The following ETAA1 variants were observed in gnomAD, a reference collection of about 807,000 sequenced individuals.
ETAA1 encodes ETAA1 activator of ATR kinase.
Under a neutral mutation model 76.8 loss-of-function variants are expected in ETAA1, and 49 were observed. The observed-to-expected ratio is 0.64, with a 90% CI of 0.51 to 0.81. The LOEUF is 0.81. Ranked by LOEUF, ETAA1 falls within the 30% of genes least tolerant of loss-of-function variation. The pLI is 0.00. For synonymous variants in ETAA1, 373 were observed against 372.2 expected (o/e 1.00, Z -0.03); for missense variants, 1,099 against 1,074.0 (o/e 1.02, Z -0.32).
chr2:67,402,847 C>A lies in ETAA1; in HGVS notation c.430-15C>A. On this transcript the variant is annotated splice_polypyrimidine_tract_variant and intron_variant, in intron 3 of 5. Coordinates refer to ENST00000272342, the MANE Select transcript of ETAA1 (RefSeq NM_019002.4). ...ACTGGTACTTTATACCTCTTTTTTTCCCTATCTGCCAAAGGATGAAAAACC... is the reference window on the plus strand; with the variant it reads ...ACTGGTACTTTATACCTCTTTTTTTACCTATCTGCCAAAGGATGAAAAACC... 1 of 1,552,654 alleles carries A rather than the reference C, an allele frequency of 6.4e-7. No homozygotes were observed. The highest frequency in any genetic ancestry group is 1.4e-5 in the African/African-American group (1 of 71,082).
Position 67,405,594 on chromosome 2 carries a change from A to G in ETAA1, c.2653+259A>G, listed in dbSNP as rs148060201. Among the ~76,000 whole-genome samples, 91 of 152,110 alleles carry G rather than the reference A, an allele frequency of 6.0e-4. No homozygotes were observed. The East Asian group carries it at 0.018, about 29-fold the overall frequency. On this transcript the variant is annotated intron_variant, in intron 5 of 5. Transcript: ENST00000272342. The stretch of plus-strand genomic sequence containing the variant: ...ATACAATGACTGGCATATAGTAGGT[A>G]CTCAGTAAATATTTTTTGAATAACT...
At position 67,397,650 on chromosome 2, in the gene ETAA1, T is replaced by C. The variant is rs1212726783; in HGVS notation, c.202T>C (p.Cys68Arg). The C allele has an allele frequency of 2.6e-6, 4 of 1,547,008 alleles. No individual in the cohort carries two copies. The highest frequency in any genetic ancestry group is 2.6e-6 in the Non-Finnish European group (3 of 1,146,726). ...AGAGCAGCCTCCGACCGCCGCCCTGTGCAGTAAAAGTAACCCCGAGGGTGA... is the reference window on the plus strand; with the variant it reads ...AGAGCAGCCTCCGACCGCCGCCCTGCGCAGTAAAAGTAACCCCGAGGGTGA... ...QREQPPTAAL[C>R]SKSNPEERYE... The change falls in exon 1 of 6, where the codon TGC becomes CGC. Residue 68 changes from cysteine (C) to arginine (R), a missense_variant. Cys to Arg is a radical substitution (Grantham distance 180). Transcript: ENST00000272342.
chr2:67,410,002 C>A lies in ETAA1; in HGVS notation c.2745C>A (p.Ala915=), dbSNP rs141914721. 9 of 1,608,696 alleles carry A rather than the reference C, an allele frequency of 5.6e-6. No individual in the cohort carries two copies. In the African/African-American group the frequency reaches 9.4e-5, roughly 17 times the overall value. ...TTCGGAGAATGGCTAAAGCACGAGC[C>A]TCATCTGTAAATGCAGCTCCCACTT... ...ALVRRMAKAR[A]SSVNAAPTSF... Residue 915 remains alanine (A), a synonymous_variant, in exon 6 of 6, where the codon GCC becomes GCA. Transcript: ENST00000272342.
intron 1 of ETAA1, 24 bp from the exon 2 acceptor site, chr2:67,399,145 T>C (rs1169779130): frequency 6.3e-7 from 1 of 1,597,798 alleles, no homozygotes; most frequent in Admixed American, 1.8e-5. Context: ...GCAACAATTG[T>C]TATTTTACTC....
chr2:67,404,837 G>A lies in ETAA1; in HGVS notation c.2155G>A (p.Glu719Lys), dbSNP rs773523823. 15 of 1,613,108 alleles carry A rather than the reference G, an allele frequency of 9.3e-6. No individual in the cohort carries two copies. The highest frequency in any genetic ancestry group is 1.3e-5 in the African/African-American group (1 of 74,894). Residue 719 changes from glutamate (E) to lysine (K), a missense_variant, in exon 5 of 6, where the codon GAG becomes AAG. By Grantham distance (56) the Glu-to-Lys change is moderately conservative. Coordinates refer to ENST00000272342, the MANE Select transcript of ETAA1 (RefSeq NM_019002.4). ...SSQIDKPMKM[E>K]KGEMYGNSPR... ...ACAAATAGATAAGCCAATGAAGATG[G>A]AGAAAGGGGAAATGTATGGAAATTC...
intron 5 of ETAA1, among the ~76,000 whole-genome samples, chr2:67,409,248 T>C (rs1676300921): frequency 6.6e-6 from 1 of 151,990 alleles, no homozygotes; most frequent in African/African-American, 2.4e-5. Flanking sequence ...AGAAAGTGAT[T>C]TCTAATACAA....
At position 67,403,445 on chromosome 2, in the gene ETAA1, A is replaced by G. The variant is rs370708782; in HGVS notation, c.763A>G (p.Ile255Val). The G allele has an allele frequency of 5.0e-6, 8 of 1,612,936 alleles. No homozygotes were observed. The highest frequency in any genetic ancestry group is 4.5e-5 in the East Asian group (2 of 44,870). The stretch of plus-strand genomic sequence containing the variant: ...AATAGATAATGCTACAAAAAAGCCA[A>G]TCAAAGGAAACACCAAGATATCTGT... ...PEIDNATKKP[I>V]KGNTKISVAN... Residue 255 changes from isoleucine to valine, a missense_variant, in exon 5 of 6, where the codon ATC becomes GTC. Physicochemically the swap from Ile to Val is conservative, Grantham distance 29. Around this residue, in one of 3 missense-constraint regions of ETAA1, gnomAD observed 761 missense variants for 731.9 expected, o/e 1.04. Transcript: ENST00000272342.
At position 67,397,413 on chromosome 2, in the gene ETAA1, AAAG is replaced by A. The variant is rs1291416399; in HGVS notation, c.-29_-27del. On this transcript the variant is annotated 5_prime_UTR_variant, in exon 1 of 6. Transcript: ENST00000272342. Reference sequence around the variant, plus strand: ...CCTACTCATCCCTTTGCAAAATGTGAAAGAAGAAGCGGCTGGTGGAGGCGGGCC... The same window carrying A: ...CCTACTCATCCCTTTGCAAAATGTGAAAGAAGCGGCTGGTGGAGGCGGGCC... 10 of 1,558,414 alleles carry A rather than the reference AAAG, an allele frequency of 6.4e-6. No individual in the cohort carries two copies. The highest frequency in any genetic ancestry group is 2.4e-5 in the East Asian group (1 of 42,060).
intron 1 of ETAA1, among the ~76,000 whole-genome samples, chr2:67,398,929 C>T (rs1675975950): frequency 6.6e-6 from 1 of 152,146 alleles, no homozygotes; most frequent in African/African-American, 2.4e-5. Flanking sequence ...TTGTATTATG[C>T]ATTCATAAAG....
At position 67,411,747 on chromosome 2, in the gene ETAA1, C is replaced by A. The variant is rs1280373910; in HGVS notation, c.*1709C>A. ...CAGTGGAGTACTGGAGTTTAGCTAA[C>A]CTATATTATTTTTCCAGGAATATAT... is the stretch of plus-strand genomic sequence containing the variant. On this transcript the variant is annotated 3_prime_UTR_variant, in exon 6 of 6. Coordinates refer to ENST00000272342, the MANE Select transcript of ETAA1 (RefSeq NM_019002.4). 1.3e-5 allele frequency: 2 copies of A among 151,960 alleles called. No homozygotes were observed. The highest frequency in any genetic ancestry group is 2.9e-5 in the Non-Finnish European group (2 of 67,950). The allele number at this position is 151,960 out of a possible 1,614,324, so 9.4% of individuals were successfully genotyped here. A position where few individuals can be genotyped will look rare whatever the true frequency, so the allele number is the denominator to read the frequency against.
chr2:67,397,361 G>T lies in ETAA1; in HGVS notation c.-88G>T. The T allele has an allele frequency of 7.3e-7, 1 of 1,371,548 alleles. No individual in the cohort carries two copies. The highest frequency in any genetic ancestry group is 1.0e-6 in the Non-Finnish European group (1 of 985,678). The allele number at this position is 1,371,548 out of a possible 1,614,324, so 85.0% of individuals were successfully genotyped here. ...GACCAAAATGGCGGCTGCCGTTGGT[G>T]CGGGGTGCGGTTTGTAGTGCTGTTG... On this transcript the variant is annotated 5_prime_UTR_variant, in exon 1 of 6. Coordinates refer to ENST00000272342, the MANE Select transcript of ETAA1 (RefSeq NM_019002.4).
chr2:67,399,338 A>G, intron 2 of ETAA1, 41 bp downstream of exon 2: 1 of 1,536,492 alleles, frequency 6.5e-7, no homozygotes, highest in Non-Finnish European at 8.9e-7. Context: ...TAAATATTTG[A>G]TAAATGATTC....
At position 67,404,399 on chromosome 2, in the gene ETAA1, G is replaced by A. The variant is rs779883240; in HGVS notation, c.1717G>A (p.Val573Ile). 1 of 1,613,182 alleles carries A rather than the reference G, an allele frequency of 6.2e-7. No homozygotes were observed. The highest frequency in any genetic ancestry group is 8.5e-7 in the Non-Finnish European group (1 of 1,179,486). ...SNPNQTSASK[V>I]GSFFDDWNDP... ...CCCAAATCAGACTAGTGCATCAAAA[G>A]TAGGTTCTTTCTTTGATGATTGGAA... is the stretch of plus-strand genomic sequence containing the variant. Residue 573 changes from valine (V) to isoleucine (I), a missense_variant, in exon 5 of 6, where the codon GTA (valine) becomes ATA (isoleucine). Around this residue, in one of 3 missense-constraint regions of ETAA1, gnomAD observed 761 missense variants for 731.9 expected, o/e 1.04. Coordinates refer to ENST00000272342, the MANE Select transcript of ETAA1 (RefSeq NM_019002.4).
Position 67,404,448 on chromosome 2 carries a change from T to C in ETAA1, c.1766T>C (p.Ile589Thr). ...DWNDPSFANE[I>T]IKACHQLDNT... ...AATGATCCCTCATTTGCCAATGAAA[T>C]TATTAAAGCATGTCATCAATTAGAT... Residue 589 changes from isoleucine (I) to threonine (T), a missense_variant, in exon 5 of 6, where the codon ATT becomes ACT. Ile to Thr is a moderately conservative substitution (Grantham distance 89). This residue lies in a region of ETAA1 where 761 missense variants were observed against 731.9 expected (regional missense o/e 1.04). Coordinates refer to ENST00000272342, the MANE Select transcript of ETAA1 (RefSeq NM_019002.4). 1 of 1,613,338 alleles carries C rather than the reference T, an allele frequency of 6.2e-7. No homozygotes were observed. Among genetic ancestry groups the C allele is most frequent in the Non-Finnish European group, 8.5e-7 (1 of 1,179,520 alleles).
At chr2:67,408,630 G>T (rs761562822) in intron 5 of ETAA1, among the ~76,000 whole-genome samples, 33 of 152,210 alleles carry the variant, frequency 2.2e-4, no homozygotes, top group Non-Finnish European at 3.8e-4. Context: ...ACTTCATTGT[G>T]TATTTTTATT....
chr2:67,403,731 C>T lies in ETAA1; in HGVS notation c.1049C>T (p.Pro350Leu). 1 of 1,613,326 alleles carries T rather than the reference C, an allele frequency of 6.2e-7. No individual in the cohort carries two copies. Among genetic ancestry groups the T allele is most frequent in the South Asian group, 1.1e-5 (1 of 91,056 alleles). ...PRSLSSQVDTPIMTKSCVTSC... is the reference protein window; with the variant it reads ...PRSLSSQVDTLIMTKSCVTSC... ...TCACTTTCTTCTCAAGTAGATACAC[C>T]CATAATGACAAAATCATGTGTGACT... Residue 350 changes from proline to leucine, a missense_variant, in exon 5 of 6, where the codon CCC becomes CTC. Transcript: ENST00000272342.
chr2:67,402,162 T>C (rs1676074430), intron 3 of ETAA1: 1 of 151,976 alleles, frequency 6.6e-6, no homozygotes, highest in East Asian at 1.9e-4. Context: ...GTAATTTTTT[T>C]GTGTGATCAA....
Position 67,410,194 on chromosome 2 carries a change from A to G in ETAA1, c.*156A>G, listed in dbSNP as rs1045311150. On this transcript the variant is annotated 3_prime_UTR_variant, in exon 6 of 6. Coordinates refer to ENST00000272342, the MANE Select transcript of ETAA1 (RefSeq NM_019002.4). ...TAATAAATCAATGTTTGCAATGGTA[A>G]ATGAAACATTTCCTTGGACATGTAT... 1.4e-6 allele frequency: 1 copy of G among 695,702 alleles called. No individual in the cohort carries two copies. The highest frequency in any genetic ancestry group is 2.4e-6 in the Non-Finnish European group (1 of 421,888). The allele number at this position is 695,702 out of a possible 1,614,324, so 43.1% of individuals were successfully genotyped here. A position where few individuals can be genotyped will look rare whatever the true frequency, so the allele number is the denominator to read the frequency against.
In ETAA1 at chr2:67,403,520, G is replaced by C; in HGVS notation, c.838G>C (p.Ala280Pro). The C allele has an allele frequency of 6.2e-7, 1 of 1,613,462 alleles. No homozygotes were observed. The highest frequency in any genetic ancestry group is 8.5e-7 in the Non-Finnish European group (1 of 1,179,484). ...SQKPFDQIAE[A>P]AFNAIFDGST... The stretch of plus-strand genomic sequence containing the variant: ...GAAGCCATTTGACCAAATTGCTGAA[G>C]CAGCCTTTAATGCTATTTTTGATGG... The change falls in exon 5 of 6, where the codon GCA (alanine) becomes CCA (proline). Residue 280 changes from alanine (A) to proline (P), a missense_variant. Physicochemically the swap from Ala to Pro is conservative, Grantham distance 27. This residue lies in a region of ETAA1 where 761 missense variants were observed against 731.9 expected (regional missense o/e 1.04). Coordinates refer to ENST00000272342, the MANE Select transcript of ETAA1 (RefSeq NM_019002.4).
Sources: gnomAD v4.1 joint callset for allele counts (sites outside exome capture counted in the v4.1 genomes callset) on GRCh38, gnomAD v4.1.1 for gene constraint, gnomAD v4.1.1 regional missense constraint, MANE v1.5 for transcripts, NCBI Gene and HGNC (gene_info 2026-07-23, HGNC 2026-07-21) for gene names.